Variants in PRR5 observed in about 807,000 individuals in gnomAD.
The protein encoded by PRR5 is proline-rich protein 5.
PRR5 carries 25 observed loss-of-function variants against 30.6 expected under a neutral mutation model. The observed-to-expected ratio is 0.82, with a 90% CI of 0.60 to 1.14. The LOEUF is 1.14. Ranked by LOEUF, PRR5 falls within the 50% of genes most tolerant of loss-of-function variation. The probability of loss-of-function intolerance (pLI) is 0.00; values close to 1 mark genes in which losing one functional copy is unlikely to be tolerated. For synonymous variants in PRR5, 286 were observed against 247.1 expected (o/e 1.16, Z -1.48); for missense variants, 600 against 547.1 (o/e 1.10, Z -0.96).
chr22:44,736,046 T>C (rs763064), intron 7 of PRR5, among the ~76,000 whole-genome samples: 7,601 of 152,214 alleles, frequency 0.05, 262 homozygotes, highest in Admixed American at 0.087. Flanking sequence ...ACTCTTGGGA[T>C]TGCAGGGTCC....
intron 4 of PRR5, chr22:44,731,228 CTGTGT>C: frequency 4.7e-6 from 1 of 210,530 alleles, no homozygotes; most frequent in Non-Finnish European, 9.7e-6. Context: ...CCAGGTGTAC[CTGTGT>C]GGGTCTTACC....
chr22:44,709,351 G>A (rs1369900141), intron 1 of PRR5, among the ~76,000 whole-genome samples: 1 of 152,142 alleles, frequency 6.6e-6, no homozygotes, highest in South Asian at 2.1e-4. Flanking sequence ...GAGAGGCGGG[G>A]GTAAAAGGGA....
chr22:44,690,193 GCAGA>G (rs1925123347), intron 1 of PRR5, among the ~76,000 whole-genome samples: 1 of 152,168 alleles, frequency 6.6e-6, no homozygotes, highest in Admixed American at 6.5e-5. Flanking sequence ...GACCCTGTGG[GCAGA>G]CAGAGCCCCC....
In PRR5 at chr22:44,702,383, G is replaced by A. The variant is rs1481106115; in HGVS notation, c.-92G>A. On this transcript the variant is annotated 5_prime_UTR_variant, in exon 1 of 8. Transcript: ENST00000336985. Reference sequence around the variant, plus strand: ...GCTCTCGCCGGAGTTTCCGCGTAGAGGGCGCATCGCCGGCCCGGGGCCCTT... The same window carrying A: ...GCTCTCGCCGGAGTTTCCGCGTAGAAGGCGCATCGCCGGCCCGGGGCCCTT... The A allele has an allele frequency of 1.9e-5, 23 of 1,205,060 alleles. No individual in the cohort carries two copies. The East Asian group carries it at 5.4e-4, about 28-fold the overall frequency. 74.6% of individuals were successfully genotyped at this position (1,205,060 alleles called of 1,614,324 possible). A position where few individuals can be genotyped will look rare whatever the true frequency, so the allele number is the denominator to read the frequency against.
intron 1 of PRR5, among the ~76,000 whole-genome samples, chr22:44,680,139 G>C (rs1387708707): frequency 2.6e-5 from 4 of 152,182 alleles, no homozygotes; most frequent in Non-Finnish European, 4.4e-5. Flanking sequence ...GGTGCTCGGG[G>C]CCGTAGGGCA....
chr22:44,711,151 G>A (rs559644458), intron 1 of PRR5, among the ~76,000 whole-genome samples: 11 of 152,314 alleles, frequency 7.2e-5, no homozygotes, highest in Non-Finnish European at 1.3e-4. Flanking sequence ...GGCGTTCGCG[G>A]GCAGGTGTTC....
At chr22:44,688,735 T>C (rs1284637762) in intron 1 of PRR5, among the ~76,000 whole-genome samples, 1 of 151,898 alleles carries the variant, frequency 6.6e-6, no homozygotes, top group East Asian at 1.9e-4. Flanking sequence ...CGCCTGTAAT[T>C]CCAGCATTTT....
At chr22:44,710,539 T>A (rs777715139) in intron 1 of PRR5, among the ~76,000 whole-genome samples, 1 of 152,180 alleles carries the variant, frequency 6.6e-6, no homozygotes, top group Non-Finnish European at 1.5e-5. Flanking sequence ...GAGGGGCAGC[T>A]GGGGTTTCGT....
Position 44,691,224 on chromosome 22 carries a change from G to A in PRR5, c.-10-11268G>A, listed in dbSNP as rs1215384554. ...CTGCTTCCGGGAGGATTTGGGTAGA[G>A]AAAACCGGGGTCTGGAATGGGGATT... On this transcript the variant is annotated intron_variant, in intron 1 of 8. Coordinates refer to the PRR5 transcript ENST00000006251. The surrounding 1 kb of genome is among the most constrained non-coding windows in gnomAD (Gnocchi z 4.4). Among the ~76,000 whole-genome samples, 2 of 152,166 alleles carry A rather than the reference G, an allele frequency of 1.3e-5. No homozygotes were observed. Among genetic ancestry groups the A allele is most frequent in the Non-Finnish European group, 1.5e-5 (1 of 68,030 alleles).
chr22:44,723,421 A>C (rs564031420), intron 2 of PRR5, among the ~76,000 whole-genome samples: 2 of 152,168 alleles, frequency 1.3e-5, no homozygotes, highest in African/African-American at 2.4e-5. Context: ...TTAGTGCACT[A>C]TAATTTAAAA....
At chr22:44,697,289 T>C (rs1158868873), upstream of PRR5, among the ~76,000 whole-genome samples, 1 of 152,174 alleles carries the variant, frequency 6.6e-6, no homozygotes, top group Non-Finnish European at 1.5e-5. Context: ...GGAACCTCCT[T>C]CTGCCGTGCG....
chr22:44,733,124 G>C (rs566551700), intron 6 of PRR5, among the ~76,000 whole-genome samples: 1 of 152,374 alleles, frequency 6.6e-6, no homozygotes, highest in South Asian at 2.1e-4. Flanking sequence ...CTCTGGGGAA[G>C]ACACTCTGAG....
At chr22:44,709,091 G>A (rs1169516591) in intron 1 of PRR5, among the ~76,000 whole-genome samples, 2 of 151,778 alleles carry the variant, frequency 1.3e-5, no homozygotes, top group South Asian at 2.1e-4. Flanking sequence ...GGGGGTCTCT[G>A]AAGGCCAGAG....
chr22:44,678,565 T>A (rs1415329720), intron 1 of PRR5, among the ~76,000 whole-genome samples: 1 of 152,160 alleles, frequency 6.6e-6, no homozygotes, highest in Non-Finnish European at 1.5e-5. Flanking sequence ...TCCACCCGCC[T>A]CTGCCCCCCA....
chr22:44,716,847 G>T (rs191970804), intron 2 of PRR5, among the ~76,000 whole-genome samples: 1 of 152,188 alleles, frequency 6.6e-6, no homozygotes, highest in Non-Finnish European at 1.5e-5. Flanking sequence ...GATTGCTTGC[G>T]TTCAGGAGTT....
chr22:44,702,235 G>C lies in PRR5; in HGVS notation c.-240G>C. The C allele has an allele frequency of 8.9e-7, 1 of 1,118,310 alleles. No homozygotes were observed. Among genetic ancestry groups the C allele is most frequent in the Non-Finnish European group, 1.1e-6 (1 of 914,858 alleles). The allele number at this position is 1,118,310 out of a possible 1,614,324, so 69.3% of individuals were successfully genotyped here. A position where few individuals can be genotyped will look rare whatever the true frequency, so the allele number is the denominator to read the frequency against. On this transcript the variant is annotated 5_prime_UTR_variant, in exon 1 of 8. Transcript: ENST00000336985. ...CGTTTGCGCCGGGTCTGTGCTGGCC[G>C]CGCGCCTGGCGCTCCACGCTGAGCC...
At chr22:44,699,446 C>T (rs1470995588), upstream of PRR5, among the ~76,000 whole-genome samples, 3 of 152,268 alleles carry the variant, frequency 2.0e-5, no homozygotes, top group Non-Finnish European at 2.9e-5. Flanking sequence ...TGCTTTGCTG[C>T]GTTTACACCA....
At position 44,732,343 on chromosome 22, in the gene PRR5, C is replaced by T. The variant is rs1922170356; in HGVS notation, c.507C>T (p.Ala169=). The T allele has an allele frequency of 6.2e-7, 1 of 1,611,914 alleles. No homozygotes were observed. The highest frequency in any genetic ancestry group is 1.3e-5 in the African/African-American group (1 of 75,014). The change falls in exon 6 of 8, where the codon GCC becomes GCT. Residue 169 remains alanine, a synonymous_variant. Transcript: ENST00000336985. ...AGCTAGAGGATGCGCTGGCCCGGGC[C>T]CATGCCCGTGTGCCCCCTGCCATCG... ...SVKLEDALAR[A]HARVPPAIVQ...
At chr22:44,732,882 A>G (rs1483207063) in intron 6 of PRR5, among the ~76,000 whole-genome samples, 2 of 146,910 alleles carry the variant, frequency 1.4e-5, no homozygotes, top group Admixed American at 6.6e-5. Flanking sequence ...CACTGCACAC[A>G]CACACCACAC....
Sources: allele counts gnomAD v4.1 joint callset (sites outside exome capture counted in the v4.1 genomes callset), GRCh38; gene constraint gnomAD v4.1.1; non-coding constraint Gnocchi (gnomAD v3.1); transcripts MANE v1.5; gene names NCBI Gene and HGNC (gene_info 2026-07-23, HGNC 2026-07-21).